Variants in INPP5D observed in about 807,000 individuals in gnomAD.
INPP5D encodes inositol polyphosphate-5-phosphatase D.
A neutral mutation model predicts 122.9 loss-of-function variants in INPP5D; 33 were observed. That is an observed-to-expected ratio of 0.27 (90% CI 0.20 to 0.36). The LOEUF is 0.36. INPP5D is among the 10% of genes least tolerant of loss of function. INPP5D has a pLI of 1.00. For synonymous variants in INPP5D, 584 were observed against 576.2 expected, an observed-to-expected ratio of 1.01 and a Z score of -0.19; for missense variants, 1,053 against 1,412.7, an observed-to-expected ratio of 0.75 and a Z score of 4.08.
rs1378193152 is a variant in INPP5D, at chr2:233,146,449, A to G, written c.906+11A>G. On this transcript the variant is annotated intron_variant, in intron 8 of 26. Coordinates refer to ENST00000445964, the MANE Select transcript of INPP5D (RefSeq NM_001017915.3). ...CCAGTCACCTTTGAGGTAAGTGGCC[A>G]TGGGACAGCAGAGCCTGGGCTTGGG... 2 of 703,894 alleles carry G rather than the reference A, an allele frequency of 2.8e-6. No individual in the cohort carries two copies. Among genetic ancestry groups the G allele is most frequent in the Admixed American group, 2.0e-5 (1 of 50,020 alleles). The allele number at this position is 703,894 out of a possible 1,614,324, so 43.6% of individuals were successfully genotyped here. A position where few individuals can be genotyped will look rare whatever the true frequency, so the allele number is the denominator to read the frequency against.
chr2:233,164,336 C>T lies in INPP5D; in HGVS notation c.1467C>T (p.Arg489=). Residue 489 remains arginine (R), a synonymous_variant, in exon 13 of 27, where the codon CGC becomes CGT. Coordinates refer to ENST00000445964, the MANE Select transcript of INPP5D (RefSeq NM_001017915.3). The surrounding 1 kb of genome is among the most constrained non-coding windows in gnomAD (Gnocchi z 4.3). ...TVAIHTLWNI[R]IVVLAKPEHE... is the part of the protein sequence containing the mutation. ...CCATCCACACGCTCTGGAACATCCG[C>T]ATCGTGGTGCTGGCCAAGCCTGAGC... The T allele has an allele frequency of 6.4e-7, 1 of 1,552,014 alleles. No homozygotes were observed.
At chr2:233,069,269 A>G (rs1691313581) in intron 1 of INPP5D, among the ~76,000 whole-genome samples, 1 of 152,212 alleles carries the variant, frequency 6.6e-6, no homozygotes. Flanking sequence ...CGGAGCAGAG[A>G]GGCTTGCTGG....
intron 5 of INPP5D, among the ~76,000 whole-genome samples, chr2:233,137,832 CAA>C (rs746005379): frequency 2.2e-3 from 22 of 10,122 alleles, no homozygotes; most frequent in Admixed American, 3.3e-3. Flanking sequence ...AACTCCATCA[CAA>C]AAAAAAAAAA....
rs1316349872 is a variant in INPP5D at position 233,139,907 on chromosome 2, C to T, written c.731C>T (p.Pro244Leu). 14 of 398,638 alleles carry T rather than the reference C, an allele frequency of 3.5e-5. No homozygotes were observed. Among genetic ancestry groups the T allele is most frequent in the Non-Finnish European group, 5.7e-5 (13 of 226,214 alleles). The allele number at this position is 398,638 out of a possible 1,614,324, so 24.7% of individuals were successfully genotyped here. A position where few individuals can be genotyped will look rare whatever the true frequency, so the allele number is the denominator to read the frequency against. Reference sequence around the variant, plus strand: ...AGGTTATTTGACCAGCAGCTCTCCCCGGGCCTCCGTCCACGTCCTCAGGTA... The same window carrying T: ...AGGTTATTTGACCAGCAGCTCTCCCTGGGCCTCCGTCCACGTCCTCAGGTA... ...LQRLFDQQLS[P>L]GLRPRPQVPG... Residue 244 changes from proline (P) to leucine (L), a missense_variant, in exon 6 of 27, where the codon CCG becomes CTG. Pro to Leu is a moderately conservative substitution (Grantham distance 98). This residue lies in a region of INPP5D where 196 missense variants were observed against 175.6 expected (regional missense o/e 1.12). Transcript: ENST00000445964.
At chr2:233,134,066 G>A (rs1316021297) in intron 5 of INPP5D, 2 of 455,496 alleles carry the variant, frequency 4.4e-6, no homozygotes, top group East Asian at 7.0e-5. Flanking sequence ...GGGGTGAAGG[G>A]AAGATGAATC....
chr2:233,085,719 C>T (rs993063342), intron 2 of INPP5D, among the ~76,000 whole-genome samples: 2 of 152,182 alleles, frequency 1.3e-5, no homozygotes, highest in Non-Finnish European at 2.9e-5. Context: ...CTGGGGTACA[C>T]ATGCCTTTGT....
chr2:233,153,933 C>T (rs1173757430), intron 9 of INPP5D, among the ~76,000 whole-genome samples: 1 of 152,188 alleles, frequency 6.6e-6, no homozygotes, highest in African/African-American at 2.4e-5. Context: ...GAAGTCTTCT[C>T]TGGGAAACTT....
intron 2 of INPP5D, among the ~76,000 whole-genome samples, chr2:233,113,289 C>G (rs116083506): frequency 0.011 from 1,623 of 152,246 alleles, 16 homozygotes; most frequent in Non-Finnish European, 0.016. Flanking sequence ...GGCTCTGCAG[C>G]CTCCTGCAAC....
chr2:233,145,176 C>G (rs1693725762), intron 6 of INPP5D: 1 of 455,150 alleles, frequency 2.2e-6, no homozygotes, highest in African/African-American at 2.0e-5. Flanking sequence ...AGAATAGATG[C>G]TTTGTAAATG....
intron 25 of INPP5D, among the ~76,000 whole-genome samples, chr2:233,201,007 AATAG>A (rs769031685): frequency 1.9e-3 from 287 of 149,796 alleles, no homozygotes; most frequent in Non-Finnish European, 2.3e-3. Flanking sequence ...TAAATAAATA[AATAG>A]ATGAGAGGAA....
chr2:233,156,069 T>C (rs900308879), intron 9 of INPP5D, among the ~76,000 whole-genome samples: 2 of 152,236 alleles, frequency 1.3e-5, no homozygotes, highest in South Asian at 2.1e-4. Flanking sequence ...GGATGAAGTC[T>C]GGAAGAAACC....
chr2:233,130,037 G>A (rs1164958376), intron 4 of INPP5D, among the ~76,000 whole-genome samples: 1 of 152,158 alleles, frequency 6.6e-6, no homozygotes, highest in Non-Finnish European at 1.5e-5. Flanking sequence ...AAGTAGCTGA[G>A]ATTGCAGGCA....
At chr2:233,060,758 T>A in intron 1 of INPP5D, 146 bp downstream of exon 1, 2 of 1,190,404 alleles carry the variant, frequency 1.7e-6, no homozygotes, top group Non-Finnish European at 2.4e-6. Context: ...GACCTTGTCC[T>A]TGGAGTTCAG....
intron 1 of INPP5D, among the ~76,000 whole-genome samples, chr2:233,066,700 G>A (rs577046695): frequency 7.9e-5 from 12 of 152,042 alleles, no homozygotes; most frequent in South Asian, 2.1e-4. Flanking sequence ...TCTGTCTCCC[G>A]GGTTGAAGTG....
At chr2:233,116,355 T>C (rs1692796667) in intron 2 of INPP5D, among the ~76,000 whole-genome samples, 1 of 151,742 alleles carries the variant, frequency 6.6e-6, no homozygotes, top group African/African-American at 2.4e-5. Flanking sequence ...AGTGGTGTGA[T>C]TGTGGCTCAC....
rs754749337 is a variant in INPP5D, at chr2:233,170,752, A to G, written c.1900+148A>G. 7 of 1,234,406 alleles carry G rather than the reference A, an allele frequency of 5.7e-6. No individual in the cohort carries two copies. The highest frequency in any genetic ancestry group is 7.7e-6 in the Non-Finnish European group (7 of 914,494). The allele number at this position is 1,234,406 out of a possible 1,614,324, so 76.5% of individuals were successfully genotyped here. A position where few individuals can be genotyped will look rare whatever the true frequency, so the allele number is the denominator to read the frequency against. ...CCCCGTCTCTACTTAAAAAAATACA[A>G]AAAATTAGCCGGGTGTGGTGGCGGG... is the stretch of plus-strand genomic sequence containing the variant. On this transcript the variant is annotated intron_variant, in intron 16 of 26. Coordinates refer to ENST00000445964, the MANE Select transcript of INPP5D (RefSeq NM_001017915.3). The surrounding 1 kb of genome is among the most constrained non-coding windows in gnomAD (Gnocchi z 4.5).
intron 20 of INPP5D, among the ~76,000 whole-genome samples, chr2:233,185,245 C>T (rs1052427752): frequency 3.3e-5 from 5 of 149,542 alleles, no homozygotes; most frequent in Admixed American, 6.7e-5. Flanking sequence ...CAGGAAGAAG[C>T]GTGTGCTGCC....
intron 1 of INPP5D, among the ~76,000 whole-genome samples, chr2:233,067,018 T>C: frequency 6.6e-6 from 1 of 152,226 alleles, no homozygotes; most frequent in Non-Finnish European, 1.5e-5. Flanking sequence ...CCTCAGGTGA[T>C]CTGCCCGCCT....
intron 7 of INPP5D, 54 bp from the exon 8 acceptor site, chr2:233,146,313 A>G: frequency 1.4e-6 from 1 of 704,250 alleles, no homozygotes; most frequent in Non-Finnish European, 2.6e-6. Context: ...GAATGCCCAG[A>G]TGCACAGGCT....
Sources: allele counts gnomAD v4.1 joint callset (sites outside exome capture counted in the v4.1 genomes callset), GRCh38; gene constraint gnomAD v4.1.1; regional missense constraint gnomAD v4.1.1; non-coding constraint Gnocchi (gnomAD v3.1); transcripts MANE v1.5; gene names NCBI Gene and HGNC (gene_info 2026-07-23, HGNC 2026-07-21).